Variants in ALK observed in about 807,000 individuals in gnomAD.
The protein encoded by ALK is ALK tyrosine kinase receptor.
A neutral mutation model predicts 163.1 loss-of-function variants in ALK; 74 were observed. That is an observed-to-expected ratio of 0.45 (90% CI 0.38 to 0.55). The LOEUF (loss-of-function observed/expected upper bound fraction) is 0.55, where lower values mean the gene tolerates loss of function less well. ALK is among the 20% of genes least tolerant of loss of function. The pLI is 0.00. For synonymous variants in ALK, 960 were observed against 843.2 expected (o/e 1.14, Z -2.40); for missense variants, 2,063 against 2,105.3 (o/e 0.98, Z 0.39).
chr2:29,919,442 G>A (rs149151820), intron 1 of ALK, among the ~76,000 whole-genome samples: 90 of 151,988 alleles, frequency 5.9e-4, no homozygotes, highest in African/African-American at 2.0e-3. Context: ...GGGTGGGAGG[G>A]GGAGAATAAA....
intron 1 of ALK, among the ~76,000 whole-genome samples, chr2:29,873,302 A>C (rs2148413576): frequency 6.6e-6 from 1 of 152,326 alleles, no homozygotes; most frequent in East Asian, 1.9e-4. Context: ...CCATATCCAG[A>C]GCCAGAATGA....
intron 8 of ALK, among the ~76,000 whole-genome samples, chr2:29,318,076 G>A (rs1211622654): frequency 6.6e-6 from 1 of 152,232 alleles, no homozygotes; most frequent in Non-Finnish European, 1.5e-5. Flanking sequence ...TCTACTGCAA[G>A]TAGTTCAGTG....
At chr2:29,265,551 A>C (rs1324117741) in intron 11 of ALK, among the ~76,000 whole-genome samples, 4 of 152,184 alleles carry the variant, frequency 2.6e-5, no homozygotes, top group Non-Finnish European at 5.9e-5. Flanking sequence ...CCACACACTA[A>C]GCCTTGTTTT....
At chr2:29,212,078 T>A (rs1669481045) in intron 24 of ALK, among the ~76,000 whole-genome samples, 1 of 152,220 alleles carries the variant, frequency 6.6e-6, no homozygotes, top group African/African-American at 2.4e-5. Flanking sequence ...CCAGAGAATC[T>A]GTATGCTATG....
In ALK at chr2:29,634,985, T is replaced by C. The variant is rs151208467; in HGVS notation, c.952+59865A>G. ...TACAAAAATCAATTGTATTTCTCTA[T>C]ACTAGCAATGAACACCCAGGCATCA... On this transcript the variant is annotated intron_variant, in intron 3 of 28. Coordinates refer to ENST00000389048, the MANE Select transcript of ALK (RefSeq NM_004304.5). 2.0e-5 allele frequency among the ~76,000 whole-genome samples: 3 copies of C among 152,320 alleles called. No individual in the cohort carries two copies. In the East Asian group the frequency reaches 5.8e-4, roughly 29 times the overall value.
chr2:29,476,752 G>C (rs777308261), intron 4 of ALK, among the ~76,000 whole-genome samples: 3 of 152,180 alleles, frequency 2.0e-5, no homozygotes, highest in Non-Finnish European at 4.4e-5. Flanking sequence ...AGACCAGGGA[G>C]ACAGATTAGG....
intron 3 of ALK, among the ~76,000 whole-genome samples, chr2:29,544,654 C>T (rs903440440): frequency 1.3e-5 from 2 of 151,928 alleles, no homozygotes; most frequent in Admixed American, 6.6e-5. Context: ...ATATCTATAT[C>T]TGTATCATCT....
intron 3 of ALK, among the ~76,000 whole-genome samples, chr2:29,597,898 T>A (rs1675257716): frequency 6.6e-6 from 1 of 152,138 alleles, no homozygotes; most frequent in Non-Finnish European, 1.5e-5. Flanking sequence ...AGAGCACCCA[T>A]GTGCCTGAGG....
chr2:29,800,640 A>G (rs1475500563), intron 1 of ALK, among the ~76,000 whole-genome samples: 1 of 152,144 alleles, frequency 6.6e-6, no homozygotes, highest in African/African-American at 2.4e-5. Context: ...GTTGCTGAGA[A>G]GGACCAGAGC....
chr2:29,445,962 A>G (rs1489569504), intron 4 of ALK, among the ~76,000 whole-genome samples: 1 of 146,262 alleles, frequency 6.8e-6, no homozygotes, highest in Non-Finnish European at 1.5e-5. Flanking sequence ...AGCCGGGCGT[A>G]GTGGCGGGCG....
chr2:29,400,576 C>T (rs549620270), intron 4 of ALK, among the ~76,000 whole-genome samples: 16 of 152,242 alleles, frequency 1.1e-4, no homozygotes, highest in African/African-American at 1.2e-4. Flanking sequence ...TCACAATGTG[C>T]GAGACCCTGA....
chr2:29,227,773 G>A lies in ALK; in HGVS notation c.2816-101C>T. The A allele has an allele frequency of 4.5e-6, 4 of 881,758 alleles. No individual in the cohort carries two copies. Among genetic ancestry groups the A allele is most frequent in the South Asian group, 1.4e-5 (1 of 71,172 alleles). 54.6% of individuals were successfully genotyped at this position (881,758 alleles called of 1,614,324 possible). On this transcript the variant is annotated intron_variant, in intron 16 of 28. Coordinates refer to ENST00000389048, the MANE Select transcript of ALK (RefSeq NM_004304.5). The surrounding 1 kb of genome is among the most constrained non-coding windows in gnomAD (Gnocchi z 4.4). Reference sequence around the variant, plus strand: ...GCATGCAGCTCTGGCCAAAGTTAGGGGGTCACTGGGGACCTCAGGGGCAGG... The same window carrying A: ...GCATGCAGCTCTGGCCAAAGTTAGGAGGTCACTGGGGACCTCAGGGGCAGG...
chr2:29,453,716 G>T (rs1360048266), intron 4 of ALK, among the ~76,000 whole-genome samples: 1 of 152,066 alleles, frequency 6.6e-6, no homozygotes, highest in Non-Finnish European at 1.5e-5. Flanking sequence ...GCTGATAAAG[G>T]AAAAGAGAAA....
chr2:29,741,631 C>T (rs185962127), intron 1 of ALK, among the ~76,000 whole-genome samples: 2 of 152,316 alleles, frequency 1.3e-5, no homozygotes, highest in East Asian at 3.9e-4. Flanking sequence ...CAGCCCATGT[C>T]TCCCCTGGTG....
intron 11 of ALK, among the ~76,000 whole-genome samples, chr2:29,251,670 C>G (rs1393804487): frequency 6.6e-6 from 1 of 152,212 alleles, no homozygotes; most frequent in African/African-American, 2.4e-5. Context: ...GGGTCCTCTC[C>G]CAGTCTCTCA....
intron 3 of ALK, among the ~76,000 whole-genome samples, chr2:29,566,607 A>G (rs955970440): frequency 1.3e-5 from 2 of 152,214 alleles, no homozygotes; most frequent in African/African-American, 4.8e-5. Flanking sequence ...AAAAACCTTG[A>G]GATTTGGCAA....
intron 1 of ALK, among the ~76,000 whole-genome samples, chr2:29,910,466 T>C (rs574490993): frequency 3.3e-5 from 5 of 152,136 alleles, no homozygotes; most frequent in African/African-American, 1.2e-4. Context: ...CCAAATGTGA[T>C]GAAAAATATA....
At chr2:29,591,941 C>A (rs888321769) in intron 3 of ALK, among the ~76,000 whole-genome samples, 1 of 151,892 alleles carries the variant, frequency 6.6e-6, no homozygotes, top group African/African-American at 2.4e-5. Context: ...CGTCTTTATT[C>A]TTTTCGGCTT....
chr2:29,346,465 G>A (rs934660664), intron 5 of ALK, among the ~76,000 whole-genome samples: 4 of 152,196 alleles, frequency 2.6e-5, no homozygotes, highest in Admixed American at 2.6e-4. Context: ...CCAGGCCTGG[G>A]CCACCAAGCT....
Sources: gnomAD v4.1 joint callset for allele counts (sites outside exome capture counted in the v4.1 genomes callset) on GRCh38, gnomAD v4.1.1 for gene constraint, Gnocchi (gnomAD v3.1) non-coding constraint, MANE v1.5 for transcripts, NCBI Gene and HGNC (gene_info 2026-07-23, HGNC 2026-07-21) for gene names.